PGAP4: variants seen among roughly 807,000 people sequenced by gnomAD.
The protein encoded by PGAP4 is post-GPI attachment to proteins GalNAc transferase 4, also known as GPI-N-acetylgalactosamine transferase PGAP4.
Under a neutral mutation model 28.2 loss-of-function variants are expected in PGAP4, and 12 were observed. The ratio of observed to expected loss-of-function variants is 0.42; its 90% CI spans 0.27 to 0.69. The LOEUF (loss-of-function observed/expected upper bound fraction) is 0.69. PGAP4 is among the 30% of genes least tolerant of loss of function. The probability of loss-of-function intolerance (pLI) is 0.22; values close to 1 mark genes in which losing one functional copy is unlikely to be tolerated. For synonymous variants in PGAP4, 205 were observed against 211.8 expected, an observed-to-expected ratio of 0.97 and a Z score of 0.28; for missense variants, 425 against 513.5, an observed-to-expected ratio of 0.83 and a Z score of 1.67.
chr9:101,484,864 G>A (rs1428399122), intron 1 of PGAP4, among the ~76,000 whole-genome samples: 1 of 152,120 alleles, frequency 6.6e-6, no homozygotes, highest in Non-Finnish European at 1.5e-5. Context: ...ACAGAGATAT[G>A]ACCATTTTAT....
At chr9:101,532,984 C>T (rs1224588614) in exon 1 of PGAP4, 1 of 152,130 alleles carries the variant, frequency 6.6e-6, no homozygotes, top group Non-Finnish European at 1.5e-5. Flanking sequence ...GGTAGTTTAT[C>T]ATAGTTCTGC....
At chr9:101,488,358 T>A (rs552871861), upstream of PGAP4, among the ~76,000 whole-genome samples, 2 of 152,306 alleles carry the variant, frequency 1.3e-5, no homozygotes, top group East Asian at 3.9e-4. Flanking sequence ...AGTCTGATAT[T>A]CCGAAATTGG....
rs17187712 is a variant in PGAP4 at position 101,476,448 on chromosome 9, T to A, written c.645A>T (p.Val215=). The stretch of plus-strand genomic sequence containing the variant: ...AGACTGGGAAGATCTGCTCTTCTGG[T>A]ACAGCATCGTCTTCTACCATCAGGA... ...DYVLMVEDDA[V]PEEQIFPVLE... is the part of the protein sequence containing the mutation. Residue 215 remains valine (V), a synonymous_variant, in exon 2 of 2, where the codon GTA becomes GTT. Coordinates refer to ENST00000374848, the MANE Select transcript of PGAP4 (RefSeq NM_032342.3). This position sits in a 1 kb window ranked among gnomAD's most constrained non-coding sequence, Gnocchi z 7.0. 0.051 allele frequency: 82,625 copies of A among 1,614,046 alleles called. 2,317 individuals carry two copies. The highest frequency in any genetic ancestry group is 0.091 in the Middle Eastern group (550 of 6,062).
Position 101,476,625 on chromosome 9 carries a change from C to G in PGAP4, c.468G>C (p.Lys156Asn), listed in dbSNP as rs139589688. 10 of 1,614,214 alleles carry G rather than the reference C, an allele frequency of 6.2e-6. No homozygotes were observed. In the Middle Eastern group the frequency reaches 6.6e-4, roughly 107 times the overall value. The change falls in exon 2 of 2, where the codon AAG becomes AAC. Residue 156 changes from lysine to asparagine, a missense_variant. Lys to Asn is a moderately conservative substitution (Grantham distance 94). Transcript: ENST00000374848. The surrounding 1 kb of genome is among the most constrained non-coding windows in gnomAD (Gnocchi z 7.0). Reference protein sequence around the residue: ...VERSVSHFDAKLLSKYVPVAN... With the variant: ...VERSVSHFDANLLSKYVPVAN... ...CCACAGGGACATACTTGGAGAGCAACTTGGCATCAAAATGGCTCACACTAC... is the reference window on the plus strand; with the variant it reads ...CCACAGGGACATACTTGGAGAGCAAGTTGGCATCAAAATGGCTCACACTAC...
chr9:101,517,635 G>A (rs1359484544), intron 2 of PGAP4, among the ~76,000 whole-genome samples: 1 of 152,132 alleles, frequency 6.6e-6, no homozygotes, highest in Non-Finnish European at 1.5e-5. Context: ...GATGGTTGTT[G>A]GGTTGGGGGA....
chr9:101,507,279 T>C (rs10989544), intron 2 of PGAP4, among the ~76,000 whole-genome samples: 377 of 152,180 alleles, frequency 2.5e-3, no homozygotes, highest in Non-Finnish European at 4.5e-3. Context: ...TCTGTTACAA[T>C]GGTTAGTAGA....
chr9:101,494,022 G>A (rs1044110036), intron 2 of PGAP4, among the ~76,000 whole-genome samples: 18 of 151,850 alleles, frequency 1.2e-4, no homozygotes, highest in South Asian at 4.1e-4. Flanking sequence ...AATATTGATC[G>A]TATAAGAATT....
chr9:101,510,462 T>C (rs1319975348), intron 2 of PGAP4, among the ~76,000 whole-genome samples: 1 of 152,180 alleles, frequency 6.6e-6, no homozygotes, highest in Non-Finnish European at 1.5e-5. Flanking sequence ...GAAGCAGTTT[T>C]GAAGGTTTCA....
chr9:101,519,704 T>C (rs187581798), intron 2 of PGAP4, among the ~76,000 whole-genome samples: 63 of 151,488 alleles, frequency 4.2e-4, no homozygotes, highest in Admixed American at 1.1e-3. Context: ...GACACACACA[T>C]ATATATATAA....
intron 2 of PGAP4, among the ~76,000 whole-genome samples, chr9:101,517,460 T>C (rs530732966): frequency 1.3e-5 from 2 of 152,282 alleles, no homozygotes; most frequent in Non-Finnish European, 2.9e-5. Context: ...TGTGAGAACA[T>C]GCTAAACTTT....
chr9:101,506,267 T>C (rs575319663), intron 2 of PGAP4, among the ~76,000 whole-genome samples: 2 of 152,224 alleles, frequency 1.3e-5, no homozygotes, highest in African/African-American at 4.8e-5. Context: ...ATTGGACATC[T>C]CACCCAATTT....
chr9:101,474,716 T>A lies in PGAP4; in HGVS notation c.*1165A>T, dbSNP rs1826245309. 6.6e-6 allele frequency: 1 copy of A among 152,322 alleles called. No individual in the cohort carries two copies. The highest frequency in any genetic ancestry group is 1.9e-4 in the East Asian group (1 of 5,178). The allele number at this position is 152,322 out of a possible 1,614,324, so 9.4% of individuals were successfully genotyped here. A position where few individuals can be genotyped will look rare whatever the true frequency, so the allele number is the denominator to read the frequency against. Reference sequence around the variant, plus strand: ...CTTTAAACAACATCACCAATATCTTTTTCCGAAATAAGCTTGAGTTGTATA... The same window carrying A: ...CTTTAAACAACATCACCAATATCTTATTCCGAAATAAGCTTGAGTTGTATA... On this transcript the variant is annotated 3_prime_UTR_variant, in exon 2 of 2. Transcript: ENST00000374848.
At chr9:101,482,464 T>C (rs980199236) in intron 1 of PGAP4, among the ~76,000 whole-genome samples, 13 of 152,188 alleles carry the variant, frequency 8.5e-5, no homozygotes, top group African/African-American at 3.1e-4. Context: ...ACAGCTATGA[T>C]AGCCCTTTGT....
chr9:101,515,745 C>T (rs1279284015), intron 2 of PGAP4, among the ~76,000 whole-genome samples: 2 of 151,872 alleles, frequency 1.3e-5, no homozygotes, highest in Non-Finnish European at 2.9e-5. Context: ...ATCTTAGAAA[C>T]ATTGAGAATT....
chr9:101,476,936 G>C lies in PGAP4; in HGVS notation c.157C>G (p.Leu53Val), dbSNP rs767670185. 2 of 1,614,202 alleles carry C rather than the reference G, an allele frequency of 1.2e-6. No individual in the cohort carries two copies. The highest frequency in any genetic ancestry group is 8.5e-7 in the Non-Finnish European group (1 of 1,180,030). The stretch of plus-strand genomic sequence containing the variant: ...ATTTGGTTCAGATGCCAATGGCGCA[G>C]ATAGAAGTAAGAGTGTAGAAGTCGG... ...CHRLLHSYFY[L>V]RHWHLNQMSQ... is the part of the protein sequence containing the mutation. Residue 53 changes from leucine (L) to valine (V), a missense_variant, in exon 2 of 2, where the codon CTG becomes GTG. By Grantham distance (32) the Leu-to-Val change is conservative. Transcript: ENST00000374848. The surrounding 1 kb of genome is among the most constrained non-coding windows in gnomAD (Gnocchi z 7.0).
intron 1 of PGAP4, among the ~76,000 whole-genome samples, chr9:101,482,472 T>G (rs1242950457): frequency 6.6e-6 from 1 of 152,208 alleles, no homozygotes; most frequent in Non-Finnish European, 1.5e-5. Flanking sequence ...GATAGCCCTT[T>G]GTCAGGCATA....
chr9:101,521,317 T>A (rs1435332206), intron 2 of PGAP4, among the ~76,000 whole-genome samples: 3 of 152,176 alleles, frequency 2.0e-5, no homozygotes, highest in Non-Finnish European at 1.5e-5. Flanking sequence ...CCTGGTAGAA[T>A]TCTGCTGTGA....
At chr9:101,489,681 A>G (rs1415209832), upstream of PGAP4, among the ~76,000 whole-genome samples, 1 of 152,164 alleles carries the variant, frequency 6.6e-6, no homozygotes, top group Non-Finnish European at 1.5e-5. Context: ...CATTGGCTGA[A>G]CCCAACCAGA....
intron 2 of PGAP4, among the ~76,000 whole-genome samples, chr9:101,529,696 G>A (rs571362055): frequency 6.6e-6 from 1 of 152,138 alleles, no homozygotes; most frequent in African/African-American, 2.4e-5. Context: ...AAGGAGGCAG[G>A]GGTATGGAAA....
Sources: allele counts gnomAD v4.1 joint callset (sites outside exome capture counted in the v4.1 genomes callset), GRCh38; gene constraint gnomAD v4.1.1; non-coding constraint Gnocchi (gnomAD v3.1); transcripts MANE v1.5; gene names NCBI Gene and HGNC (gene_info 2026-07-23, HGNC 2026-07-21).